Variants in NUBPL observed in about 807,000 individuals in gnomAD.
NUBPL encodes the protein NUBP iron-sulfur cluster assembly factor, mitochondrial.
NUBPL carries 31 observed loss-of-function variants against 45.7 expected under a neutral mutation model. The ratio of observed to expected loss-of-function variants is 0.68; its 90% confidence interval spans 0.51 to 0.92. The LOEUF is 0.92. NUBPL is among the 40% of genes least tolerant of loss of function. The pLI is 0.00. For missense variants in NUBPL, 401 were observed against 398.7 expected (o/e 1.01, Z -0.05); for synonymous variants, 144 against 140.9 (o/e 1.02, Z -0.15).
chr14:31,603,518 A>T (rs759666300), intron 4 of NUBPL, among the ~76,000 whole-genome samples: 7 of 152,070 alleles, frequency 4.6e-5, no homozygotes, highest in Non-Finnish European at 8.8e-5. Flanking sequence ...TTATTGGATT[A>T]TCTCTGTAGG....
At chr14:31,748,541 T>C (rs988604446) in intron 6 of NUBPL, among the ~76,000 whole-genome samples, 12 of 150,376 alleles carry the variant, frequency 8.0e-5, no homozygotes, top group African/African-American at 3.0e-4. Flanking sequence ...CCTTCGTGAT[T>C]ATGTAATGAC....
chr14:31,770,197 G>C (rs540467334), intron 6 of NUBPL, among the ~76,000 whole-genome samples: 2 of 152,324 alleles, frequency 1.3e-5, no homozygotes, highest in South Asian at 4.2e-4. Context: ...TTGCAATAGA[G>C]AGAGAGTTTA....
intron 7 of NUBPL, among the ~76,000 whole-genome samples, chr14:31,801,839 A>G (rs2039596272): frequency 6.6e-6 from 1 of 152,186 alleles, no homozygotes; most frequent in Admixed American, 6.5e-5. Flanking sequence ...GTGGTACAGG[A>G]CACAGCTAGA....
intron 4 of NUBPL, among the ~76,000 whole-genome samples, chr14:31,667,524 A>G (rs1461747747): frequency 6.6e-6 from 1 of 151,678 alleles, no homozygotes; most frequent in Non-Finnish European, 1.5e-5. Flanking sequence ...GGAGTTTGTT[A>G]TTATTACCCA....
intron 6 of NUBPL, among the ~76,000 whole-genome samples, chr14:31,695,929 T>C (rs899763897): frequency 6.6e-6 from 1 of 152,234 alleles, no homozygotes; most frequent in African/African-American, 2.4e-5. Flanking sequence ...TTTCTAGTAA[T>C]GCAGGTATAG....
At chr14:31,760,729 C>G (rs10149263) in intron 6 of NUBPL, among the ~76,000 whole-genome samples, 5,492 of 150,444 alleles carry the variant, frequency 0.037, 129 homozygotes, top group African/African-American at 0.078. Context: ...CACACTTAGG[C>G]TGATTCTATA....
At chr14:31,721,978 A>G (rs2037819461) in intron 6 of NUBPL, among the ~76,000 whole-genome samples, 1 of 152,094 alleles carries the variant, frequency 6.6e-6, no homozygotes, top group Non-Finnish European at 1.5e-5. Context: ...ATAGTATTCC[A>G]TGGTGTATAT....
intron 6 of NUBPL, among the ~76,000 whole-genome samples, chr14:31,707,027 T>C (rs1229977452): frequency 6.6e-6 from 1 of 152,254 alleles, no homozygotes; most frequent in Admixed American, 6.5e-5. Context: ...ACTCTGCTTC[T>C]ATAAGAGTTT....
At chr14:31,858,968 T>C in intron 10 of NUBPL, 150 bp from the exon 11 acceptor site, 1 of 672,350 alleles carries the variant, frequency 1.5e-6, no homozygotes, top group Non-Finnish European at 2.7e-6. Flanking sequence ...GCCTGCAATA[T>C]ATACAGCACT....
chr14:31,782,403 A>C (rs901455241), intron 6 of NUBPL, among the ~76,000 whole-genome samples: 6 of 152,056 alleles, frequency 3.9e-5, no homozygotes, highest in African/African-American at 1.4e-4. Flanking sequence ...TCAAACAAAC[A>C]AACAATCAAA....
intron 4 of NUBPL, among the ~76,000 whole-genome samples, chr14:31,655,042 C>G (rs1321756058): frequency 6.6e-6 from 1 of 152,186 alleles, no homozygotes; most frequent in Non-Finnish European, 1.5e-5. Flanking sequence ...TAAGTCCCAT[C>G]TTCAGGCTCC....
chr14:31,564,704 AAATT>A lies in NUBPL; in HGVS notation c.257-307_257-304del, dbSNP rs200432941. On this transcript the variant is annotated intron_variant, in intron 2 of 10. Coordinates refer to ENST00000281081, the MANE Select transcript of NUBPL (RefSeq NM_025152.3). ...AATTATATATTAACATGATTTTAAA[AAATT>A]AAGTGGATTATTTGAACAAAATTGT... Among the ~76,000 whole-genome samples the A allele has an allele frequency of 1.6e-4, 25 of 152,082 alleles. No homozygotes were observed. The East Asian group carries it at 4.6e-3, about 28-fold the overall frequency.
chr14:31,684,208 T>G (rs369611874), intron 6 of NUBPL, among the ~76,000 whole-genome samples: 1 of 152,228 alleles, frequency 6.6e-6, no homozygotes, highest in South Asian at 2.1e-4. Context: ...GGGTTGATGG[T>G]AGTTACCTCA....
intron 4 of NUBPL, among the ~76,000 whole-genome samples, chr14:31,641,090 T>C (rs2035682502): frequency 6.6e-6 from 1 of 152,146 alleles, no homozygotes. Context: ...TAGCTGGGAC[T>C]ACAGGTGTGC....
rs1296791216 is a variant in NUBPL at position 31,859,489 on chromosome 14, A to T, written c.*309A>T. The T allele has an allele frequency of 2.5e-6, 1 of 393,042 alleles. No individual in the cohort carries two copies. Among genetic ancestry groups the T allele is most frequent in the African/African-American group, 2.0e-5 (1 of 48,914 alleles). The allele number at this position is 393,042 out of a possible 1,614,324, so 24.3% of individuals were successfully genotyped here. ...TGTTACAAGTCCATTTTGGGAGAGAACTGTACACTTTTTGCAGGACCACAG... is the reference window on the plus strand; with the variant it reads ...TGTTACAAGTCCATTTTGGGAGAGATCTGTACACTTTTTGCAGGACCACAG... On this transcript the variant is annotated 3_prime_UTR_variant, in exon 11 of 11. Transcript: ENST00000281081.
intron 6 of NUBPL, among the ~76,000 whole-genome samples, chr14:31,700,897 C>G (rs570631580): frequency 1.3e-5 from 2 of 152,134 alleles, no homozygotes; most frequent in African/African-American, 4.8e-5. Flanking sequence ...CTCCAGGGCT[C>G]CCGGTCCCAT....
intron 6 of NUBPL, among the ~76,000 whole-genome samples, chr14:31,757,849 C>T (rs1328419987): frequency 6.6e-6 from 1 of 152,064 alleles, no homozygotes; most frequent in Non-Finnish European, 1.5e-5. Flanking sequence ...CCTCTACTTA[C>T]CTCATCTCTA....
chr14:31,803,970 G>A (rs2039638723), intron 7 of NUBPL, among the ~76,000 whole-genome samples: 1 of 151,740 alleles, frequency 6.6e-6, no homozygotes, highest in South Asian at 2.1e-4. Context: ...TATTGCACAG[G>A]CTGGTCTCAA....
chr14:31,851,235 CTTT>C (rs10611566), intron 10 of NUBPL, among the ~76,000 whole-genome samples: 2,166 of 139,084 alleles, frequency 0.016, 65 homozygotes, highest in African/African-American at 0.053. Context: ...AATAGTTTTT[CTTT>C]TTTTTTTTTT....
Sources: allele counts gnomAD v4.1 joint callset (sites outside exome capture counted in the v4.1 genomes callset), GRCh38; gene constraint gnomAD v4.1.1; transcripts MANE v1.5; gene names NCBI Gene and HGNC (gene_info 2026-07-23, HGNC 2026-07-21).